The following ZFP2 variants were observed in gnomAD, a reference collection of about 807,000 sequenced individuals.
ZFP2 encodes the protein zinc finger protein ZFP2.
ZFP2 carries 33 observed loss-of-function variants against 36.1 expected under a neutral mutation model. That is an observed-to-expected ratio of 0.92 (90% confidence interval 0.69 to 1.22). The LOEUF (loss-of-function observed/expected upper bound fraction) is 1.22, where lower values mean the gene tolerates loss of function less well. Ranked by LOEUF, ZFP2 falls within the 50% of genes most tolerant of loss-of-function variation. ZFP2 has a pLI of 0.00. For synonymous variants in ZFP2, 170 were observed against 178.0 expected (o/e 0.96, Z 0.36); for missense variants, 522 against 551.4 (o/e 0.95, Z 0.53).
At chr5:178,923,009 A>T (rs548488511) in intron 4 of ZFP2, among the ~76,000 whole-genome samples, 1 of 149,496 alleles carries the variant, frequency 6.7e-6, no homozygotes, top group African/African-American at 2.4e-5. Flanking sequence ...TTCCTCTTTG[A>T]CCTCTCAGAA....
intron 4 of ZFP2, among the ~76,000 whole-genome samples, chr5:178,919,121 TC>T (rs1428641510): frequency 3.9e-5 from 6 of 152,128 alleles, no homozygotes; most frequent in Non-Finnish European, 4.4e-5. Context: ...TAGAGAGAAT[TC>T]TTCTAGGGCT....
chr5:178,929,509 G>A (rs761949616), intron 4 of ZFP2, among the ~76,000 whole-genome samples: 3 of 152,152 alleles, frequency 2.0e-5, no homozygotes, highest in Non-Finnish European at 4.4e-5. Context: ...CAGATCCCTA[G>A]GGCAGGGGCA....
chr5:178,926,813 C>T (rs113672903), intron 4 of ZFP2, among the ~76,000 whole-genome samples: 12,802 of 151,932 alleles, frequency 0.084, 671 homozygotes, highest in Non-Finnish European at 0.12. Context: ...CCACCACGCC[C>T]GGCCACCTGC....
chr5:178,922,091 C>T, intron 4 of ZFP2: 2 of 1,079,972 alleles, frequency 1.9e-6, no homozygotes, highest in Non-Finnish European at 2.9e-6. Context: ...CAAGAGACTA[C>T]TGTATACCCA....
chr5:178,906,868 CTTT>C (rs111783475), intron 1 of ZFP2, among the ~76,000 whole-genome samples: 1 of 146,134 alleles, frequency 6.8e-6, no homozygotes, highest in Non-Finnish European at 1.5e-5. Flanking sequence ...GAGTTTTTGT[CTTT>C]TTTTTTTTTT....
At chr5:178,928,393 A>G (rs1225568449) in intron 4 of ZFP2, among the ~76,000 whole-genome samples, 1 of 152,206 alleles carries the variant, frequency 6.6e-6, no homozygotes, top group Non-Finnish European at 1.5e-5. Context: ...AAAATAAAAG[A>G]CAAGTTAGTT....
At chr5:178,907,436 A>G (rs1281212416) in intron 1 of ZFP2, among the ~76,000 whole-genome samples, 3 of 151,534 alleles carry the variant, frequency 2.0e-5, no homozygotes, top group Non-Finnish European at 2.9e-5. Flanking sequence ...TCATCACATT[A>G]CCCCACATGA....
intron 1 of ZFP2, chr5:178,909,778 T>C: frequency 6.3e-7 from 1 of 1,582,764 alleles, no homozygotes; most frequent in South Asian, 1.2e-5. Flanking sequence ...TCTTCTCTTT[T>C]CCTTCGCTTC....
In ZFP2 at chr5:178,931,475, T is replaced by C; in HGVS notation, c.162T>C (p.Cys54=). 6.2e-7 allele frequency: 1 copy of C among 1,614,164 alleles called. No homozygotes were observed. Among genetic ancestry groups the C allele is most frequent in the Non-Finnish European group, 8.5e-7 (1 of 1,180,024 alleles). Residue 54 remains cysteine, a synonymous_variant, in exon 5 of 5, where the codon TGT becomes TGC. Coordinates refer to ENST00000361362, the MANE Select transcript of ZFP2 (RefSeq NM_030613.4). ...RVCGGNEFER[C]SSQDSILDTQ... is the part of the protein sequence containing the mutation. ...GTGGAGGTAATGAATTTGAAAGATG[T>C]TCCAGTCAGGATTCAATCCTTGATA... is the stretch of plus-strand genomic sequence containing the variant.
Position 178,932,757 on chromosome 5 carries a change from A to G in ZFP2, c.*58A>G. ...AACTCTTCAGTAATAATCATATGAG[A>G]CATACAATGTAGAAACCTAATAAAT... On this transcript the variant is annotated 3_prime_UTR_variant, in exon 5 of 5. Transcript: ENST00000361362. 6.6e-7 allele frequency: 1 copy of G among 1,515,390 alleles called. No individual in the cohort carries two copies. Among genetic ancestry groups the G allele is most frequent in the Non-Finnish European group, 8.8e-7 (1 of 1,133,672 alleles). 93.9% of individuals were successfully genotyped at this position (1,515,390 alleles called of 1,614,324 possible). A position where few individuals can be genotyped will look rare whatever the true frequency, so the allele number is the denominator to read the frequency against.
intron 1 of ZFP2, chr5:178,909,770 T>G: frequency 1.9e-6 from 3 of 1,578,074 alleles, no homozygotes; most frequent in African/African-American, 2.7e-5. Flanking sequence ...TCCCTTCCTC[T>G]TCTCTTTTCC....
intron 4 of ZFP2, among the ~76,000 whole-genome samples, chr5:178,917,343 C>T (rs1238034127): frequency 2.0e-5 from 3 of 152,222 alleles, no homozygotes; most frequent in South Asian, 4.2e-4. Context: ...GGCCGGGCGT[C>T]GTGGCTCACA....
chr5:178,919,304 A>C (rs1338051626), intron 4 of ZFP2, among the ~76,000 whole-genome samples: 1 of 152,316 alleles, frequency 6.6e-6, no homozygotes, highest in South Asian at 2.1e-4. Context: ...TCCTGGATAA[A>C]TCCTTCTTCG....
rs113811364 is a variant in ZFP2, at chr5:178,918,187, A to T, written c.-78+1477A>T. Among the ~76,000 whole-genome samples the T allele has an allele frequency of 2.4e-4, 36 of 152,274 alleles. No homozygotes were observed. The South Asian group carries it at 7.5e-3, about 32-fold the overall frequency. ...GCAGACATTTTTTCTGTTTATTGCT[A>T]TATCCTGAGCACCCAGAACAGTACC... is the stretch of plus-strand genomic sequence containing the variant. On this transcript the variant is annotated intron_variant, in intron 4 of 4. Coordinates refer to ENST00000361362, the MANE Select transcript of ZFP2 (RefSeq NM_030613.4).
At chr5:178,923,815 G>A (rs552118946) in intron 4 of ZFP2, among the ~76,000 whole-genome samples, 3 of 148,032 alleles carry the variant, frequency 2.0e-5, no homozygotes, top group African/African-American at 2.4e-5. Flanking sequence ...ATTCCATGAA[G>A]GTATACTGAA....
chr5:178,925,617 C>T (rs992107962), intron 4 of ZFP2, among the ~76,000 whole-genome samples: 11 of 149,262 alleles, frequency 7.4e-5, no homozygotes, highest in Admixed American at 2.0e-4. Flanking sequence ...CATCTTGTTG[C>T]GGCTTTAATC....
intron 4 of ZFP2, among the ~76,000 whole-genome samples, chr5:178,925,118 T>TATATATAA (rs1554107133): frequency 1.5e-5 from 1 of 67,168 alleles, no homozygotes; most frequent in Admixed American, 1.9e-4. Context: ...TATATATATA[T>TATATATAA]ATATATATAC....
rs115468106 is a variant in ZFP2, at chr5:178,932,120, C to T, written c.807C>T (p.Pro269=). 2.5e-6 allele frequency: 4 copies of T among 1,612,854 alleles called. No homozygotes were observed. The East Asian group carries it at 8.9e-5, about 36-fold the overall frequency. Residue 269 remains proline (P), a synonymous_variant, in exon 5 of 5, where the codon CCC becomes CCT. Transcript: ENST00000361362. ...VHQRSHTGEK[P]YECSQCGKAF... ...AGAGAAGCCATACTGGAGAAAAACC[C>T]TATGAGTGTAGTCAATGTGGAAAAG...
intron 1 of ZFP2, among the ~76,000 whole-genome samples, chr5:178,906,911 T>C (rs1758178644): frequency 6.6e-6 from 1 of 152,034 alleles, no homozygotes; most frequent in South Asian, 2.1e-4. Context: ...GATTCCCTTT[T>C]TAATCTGTTC....
Sources: gnomAD v4.1 joint callset for allele counts (sites outside exome capture counted in the v4.1 genomes callset) on GRCh38, gnomAD v4.1.1 for gene constraint, MANE v1.5 for transcripts, NCBI Gene and HGNC (gene_info 2026-07-23, HGNC 2026-07-21) for gene names.